The following ADGRB3 variants were observed in gnomAD, a reference collection of about 807,000 sequenced individuals.
The protein encoded by ADGRB3 is adhesion G protein-coupled receptor B3.
In ADGRB3, 37 loss-of-function variants were observed where a neutral mutation model predicts 193.4. The ratio of observed to expected loss-of-function variants is 0.19; its 90% CI spans 0.15 to 0.25. The LOEUF (loss-of-function observed/expected upper bound fraction) is 0.25. ADGRB3 is among the 10% of genes least tolerant of loss of function. ADGRB3 has a pLI of 1.00. For synonymous variants in ADGRB3, 690 were observed against 644.2 expected (o/e 1.07, Z -1.08); for missense variants, 1,637 against 1,852.9 (o/e 0.88, Z 2.14).
At chr6:69,280,112 G>C (rs1315240790) in intron 20 of ADGRB3, among the ~76,000 whole-genome samples, 1 of 152,094 alleles carries the variant, frequency 6.6e-6, no homozygotes, top group East Asian at 1.9e-4. Context: ...ACTGAGACTT[G>C]CAAAAATATA....
chr6:69,015,956 A>G (rs1770077989), intron 12 of ADGRB3, among the ~76,000 whole-genome samples: 1 of 151,902 alleles, frequency 6.6e-6, no homozygotes, highest in Non-Finnish European at 1.5e-5. Flanking sequence ...ATTATGTTTG[A>G]TATTTCGTCA....
At chr6:69,235,200 T>C in intron 19 of ADGRB3, 65 bp downstream of exon 19, 1 of 1,211,888 alleles carries the variant, frequency 8.3e-7, no homozygotes, top group Non-Finnish European at 1.2e-6. Context: ...TCAAGGAATG[T>C]GATAATTATT....
rs117377596 is a variant in ADGRB3 at position 68,733,775 on chromosome 6, T to C, written c.757+94343T>C. Among the ~76,000 whole-genome samples the C allele has an allele frequency of 6.8e-3, 1,027 of 152,050 alleles. 9 individuals carry two copies. The highest frequency in any genetic ancestry group is 0.011 in the Admixed American group (170 of 15,218). The stretch of plus-strand genomic sequence containing the variant: ...ACTATAGTCAATAAAAACATAATTT[T>C]ATATTTTACAATAACTTAAAGAACG... On this transcript the variant is annotated intron_variant, in intron 3 of 31. Transcript: ENST00000370598.
At chr6:69,108,803 C>T (rs1293864805) in intron 17 of ADGRB3, among the ~76,000 whole-genome samples, 1 of 152,022 alleles carries the variant, frequency 6.6e-6, no homozygotes, top group Non-Finnish European at 1.5e-5. Context: ...ATCAGAAAAG[C>T]CAGTGTTATG....
At chr6:69,366,878 C>T (rs1035239803) in intron 29 of ADGRB3, among the ~76,000 whole-genome samples, 3 of 152,072 alleles carry the variant, frequency 2.0e-5, no homozygotes, top group African/African-American at 7.2e-5. Context: ...TGTGCCATGC[C>T]CTCTGCTAGA....
chr6:69,172,643 C>CAAAAAA lies in ADGRB3; in HGVS notation c.2481-60623_2481-60618dup, dbSNP rs70987454. ...TGGGCGACAGAGCGAGACTCTGTCTCAAAAAAAAAAAAAAAAAAAAAAAAA... is the reference window on the plus strand; with the variant it reads ...TGGGCGACAGAGCGAGACTCTGTCTCAAAAAAAAAAAAAAAAAAAAAAAAAAAAAAA... On this transcript the variant is annotated intron_variant, in intron 17 of 31. Transcript: ENST00000370598. Among the ~76,000 whole-genome samples, 58 of 26,824 alleles carry CAAAAAA rather than the reference C, an allele frequency of 2.2e-3. 2 individuals carry two copies. The highest frequency in any genetic ancestry group is 0.036 in the Middle Eastern group (1 of 28). 17.6% of individuals were successfully genotyped at this position (26,824 alleles called of 152,430 possible). A position where few individuals can be genotyped will look rare whatever the true frequency, so the allele number is the denominator to read the frequency against.
At chr6:69,090,517 A>C (rs776630173) in intron 17 of ADGRB3, among the ~76,000 whole-genome samples, 5 of 152,184 alleles carry the variant, frequency 3.3e-5, no homozygotes, top group Non-Finnish European at 7.4e-5. Flanking sequence ...TCACACACTC[A>C]TTTATTCATT....
At chr6:69,285,355 C>A (rs928470372) in intron 20 of ADGRB3, among the ~76,000 whole-genome samples, 2 of 152,144 alleles carry the variant, frequency 1.3e-5, no homozygotes, top group Admixed American at 1.3e-4. Flanking sequence ...TCTAGTCGTC[C>A]TCCACCTGAT....
intron 17 of ADGRB3, among the ~76,000 whole-genome samples, chr6:69,216,903 A>G (rs977761680): frequency 2.6e-5 from 4 of 152,198 alleles, no homozygotes; most frequent in Non-Finnish European, 5.9e-5. Flanking sequence ...TTTGGAGATG[A>G]AGAGGGCACA....
chr6:68,947,762 A>G (rs1220453173), intron 6 of ADGRB3, among the ~76,000 whole-genome samples: 2 of 152,072 alleles, frequency 1.3e-5, no homozygotes, highest in Non-Finnish European at 2.9e-5. Flanking sequence ...TACTATTGTA[A>G]TGGGGTGGAC....
chr6:68,643,504 C>T (rs975143433), intron 3 of ADGRB3, among the ~76,000 whole-genome samples: 4 of 121,328 alleles, frequency 3.3e-5, no homozygotes, highest in Middle Eastern at 6.0e-3. Flanking sequence ...GAATGCAGAA[C>T]GATTTACTGA....
At position 69,348,853 on chromosome 6, in the gene ADGRB3, C is replaced by T. The variant is rs549502624; in HGVS notation, c.3460-5380C>T. Among the ~76,000 whole-genome samples the T allele has an allele frequency of 3.9e-5, 6 of 152,298 alleles. No individual in the cohort carries two copies. The East Asian group carries it at 1.2e-3, about 29-fold the overall frequency. On this transcript the variant is annotated intron_variant, in intron 26 of 31. Coordinates refer to ENST00000370598, the MANE Select transcript of ADGRB3 (RefSeq NM_001704.3). ...CTCATGTCTTATTTTTTATCTAAAT[C>T]ATAAAAGGTTGGAAATTATGGTACA...
chr6:68,679,966 C>T (rs770113257), intron 3 of ADGRB3, among the ~76,000 whole-genome samples: 2 of 152,068 alleles, frequency 1.3e-5, no homozygotes, highest in Non-Finnish European at 2.9e-5. Flanking sequence ...GAGGTAGTGC[C>T]TTCAGGAAGT....
intron 3 of ADGRB3, among the ~76,000 whole-genome samples, chr6:68,734,657 C>A (rs1765838510): frequency 6.6e-6 from 1 of 151,892 alleles, no homozygotes; most frequent in Non-Finnish European, 1.5e-5. Context: ...AGAGGAGAAT[C>A]TAAACCAATT....
intron 3 of ADGRB3, among the ~76,000 whole-genome samples, chr6:68,860,928 G>C (rs1765135839): frequency 6.6e-6 from 1 of 152,108 alleles, no homozygotes. Context: ...AACTCAACCA[G>C]TGGTAGTTTG....
At chr6:69,223,240 A>C (rs1216769085) in intron 17 of ADGRB3, among the ~76,000 whole-genome samples, 1 of 152,196 alleles carries the variant, frequency 6.6e-6, no homozygotes, top group African/African-American at 2.4e-5. Flanking sequence ...ATGATGAATC[A>C]TAATTTTGAA....
intron 3 of ADGRB3, among the ~76,000 whole-genome samples, chr6:68,810,795 T>C (rs1434280882): frequency 6.6e-6 from 1 of 152,044 alleles, no homozygotes; most frequent in Non-Finnish European, 1.5e-5. Context: ...AAGAAAATTA[T>C]TAGAGCAAGA....
At chr6:69,213,273 A>C (rs899953839) in intron 17 of ADGRB3, among the ~76,000 whole-genome samples, 2 of 152,086 alleles carry the variant, frequency 1.3e-5, no homozygotes, top group African/African-American at 4.8e-5. Flanking sequence ...TTTGCACTTC[A>C]CTCTCACATT....
chr6:68,903,043 A>T (rs910415424), intron 3 of ADGRB3, among the ~76,000 whole-genome samples: 12 of 152,204 alleles, frequency 7.9e-5, no homozygotes, highest in African/African-American at 2.7e-4. Context: ...TATGTAGAAC[A>T]TGTAATTTAA....
Sources: gnomAD v4.1 joint callset for allele counts (sites outside exome capture counted in the v4.1 genomes callset) on GRCh38, gnomAD v4.1.1 for gene constraint, MANE v1.5 for transcripts, NCBI Gene and HGNC (gene_info 2026-07-23, HGNC 2026-07-21) for gene names.